CAMK1D: variants seen among roughly 807,000 people sequenced by gnomAD.
CAMK1D encodes calcium/calmodulin dependent protein kinase ID, also known as calcium/calmodulin-dependent protein kinase type 1D.
In CAMK1D, 9 loss-of-function variants were observed where a neutral mutation model predicts 47.7. That is an observed-to-expected ratio of 0.19 (90% CI 0.11 to 0.33). CAMK1D has a LOEUF of 0.33. CAMK1D is among the 10% of genes least tolerant of loss of function. The probability of loss-of-function intolerance (pLI) is 1.00; values close to 1 mark genes in which losing one functional copy is unlikely to be tolerated. For missense variants in CAMK1D, 291 were observed against 488.7 expected, an observed-to-expected ratio of 0.60 and a Z score of 3.81; for synonymous variants, 184 against 184.9, an observed-to-expected ratio of 0.99 and a Z score of 0.04.
At chr10:12,415,115 A>G (rs949484813) in intron 1 of CAMK1D, among the ~76,000 whole-genome samples, 1 of 151,886 alleles carries the variant, frequency 6.6e-6, no homozygotes, top group African/African-American at 2.4e-5. Context: ...TTCTTAGTTC[A>G]TTAACTTTCC....
At chr10:12,634,223 C>T (rs1839454299) in intron 2 of CAMK1D, among the ~76,000 whole-genome samples, 1 of 152,242 alleles carries the variant, frequency 6.6e-6, no homozygotes. Flanking sequence ...TGTGTCCTAG[C>T]ATCGTCCTTT....
intron 6 of CAMK1D, among the ~76,000 whole-genome samples, chr10:12,807,352 G>A (rs990695423): frequency 1.2e-4 from 18 of 152,170 alleles, no homozygotes; most frequent in Admixed American, 9.8e-4. Flanking sequence ...GGCCACAAGC[G>A]TGGGTTCCTC....
chr10:12,523,359 C>G (rs928788091), intron 1 of CAMK1D, among the ~76,000 whole-genome samples: 7 of 152,176 alleles, frequency 4.6e-5, no homozygotes, highest in African/African-American at 1.7e-4. Flanking sequence ...CGGGCAGAGG[C>G]TGCAATCTCG....
intron 3 of CAMK1D, among the ~76,000 whole-genome samples, chr10:12,727,197 ATG>A (rs1415838946): frequency 2.0e-5 from 3 of 152,238 alleles, no homozygotes; most frequent in Non-Finnish European, 4.4e-5. Flanking sequence ...CGTTTTGATG[ATG>A]CTAGGCTACA....
chr10:12,738,749 G>A lies in CAMK1D; in HGVS notation c.300-22199G>A, dbSNP rs118192089. The stretch of plus-strand genomic sequence containing the variant: ...CAGGAGGCTGAGGCAGGAGGAGCGC[G>A]TAAAGCCAGGAAGCAGAGGCTGCAG... On this transcript the variant is annotated intron_variant, in intron 3 of 10. Transcript: ENST00000619168. Among the ~76,000 whole-genome samples the A allele has an allele frequency of 2.8e-3, 422 of 151,430 alleles. 4 individuals carry two copies. The East Asian group carries it at 0.034, about 12-fold the overall frequency.
rs539492296 is a variant in CAMK1D, at chr10:12,478,423, T to C, written c.93-74802T>C. 1.6e-4 allele frequency among the ~76,000 whole-genome samples: 24 copies of C among 152,226 alleles called. 1 individual carries two copies. The highest frequency in any genetic ancestry group is 5.8e-4 in the African/African-American group (24 of 41,548). ...CTCAAGCAATTCTCTCACCTCAGCC[T>C]CCTGAGTACCTGGGACTACAGACAT... On this transcript the variant is annotated intron_variant, in intron 1 of 10. Transcript: ENST00000619168.
intron 3 of CAMK1D, among the ~76,000 whole-genome samples, chr10:12,721,747 C>G (rs913771714): frequency 6.6e-6 from 1 of 152,078 alleles, no homozygotes; most frequent in African/African-American, 2.4e-5. Flanking sequence ...CCACATGGCT[C>G]GATGGGAAAT....
chr10:12,405,748 A>G (rs1839399622), intron 1 of CAMK1D, among the ~76,000 whole-genome samples: 1 of 152,238 alleles, frequency 6.6e-6, no homozygotes, highest in Admixed American at 6.5e-5. Flanking sequence ...TCAGCATGAC[A>G]TGGTCATATT....
chr10:12,573,831 C>CTTTTTTTTTTTTTTTTTTTTTTTTTTT (rs34038018), intron 2 of CAMK1D, among the ~76,000 whole-genome samples: 1 of 64,076 alleles, frequency 1.6e-5, no homozygotes, highest in African/African-American at 5.4e-5. Flanking sequence ...ATTAAAAAAA[C>CTTTTTTTTTTTTTTTTTTTTTTTTTTT]TTTTTTTTTT....
At chr10:12,655,316 A>T (rs1002872402) in intron 2 of CAMK1D, among the ~76,000 whole-genome samples, 3 of 152,148 alleles carry the variant, frequency 2.0e-5, no homozygotes, top group African/African-American at 7.2e-5. Flanking sequence ...GCACCAAGCC[A>T]TGAGGGATCC....
intron 1 of CAMK1D, among the ~76,000 whole-genome samples, chr10:12,480,179 G>T (rs1241879452): frequency 1.3e-5 from 2 of 152,136 alleles, no homozygotes; most frequent in African/African-American, 4.8e-5. Flanking sequence ...GCCGGGCTCG[G>T]TGGCTCACAC....
intron 6 of CAMK1D, among the ~76,000 whole-genome samples, chr10:12,804,937 C>CAAAAAAAAAAAAAAAAAAAA (rs145584740): frequency 2.0e-5 from 1 of 51,054 alleles, no homozygotes; most frequent in Non-Finnish European, 3.2e-5. Context: ...GACCCTGTCT[C>CAAAAAAAAAAAAAAAAAAAA]AAAAAAAAAA....
chr10:12,471,993 C>T (rs1235293720), intron 1 of CAMK1D, among the ~76,000 whole-genome samples: 1 of 149,172 alleles, frequency 6.7e-6, no homozygotes, highest in Non-Finnish European at 1.5e-5. Flanking sequence ...TATGATTGCA[C>T]CATTGCACTC....
chr10:12,587,469 T>C (rs959731026), intron 2 of CAMK1D, among the ~76,000 whole-genome samples: 1 of 151,866 alleles, frequency 6.6e-6, no homozygotes, highest in Non-Finnish European at 1.5e-5. Flanking sequence ...TTCTGGAGGC[T>C]TGGCGGCATG....
intron 1 of CAMK1D, among the ~76,000 whole-genome samples, chr10:12,430,179 G>A (rs1840394380): frequency 6.6e-6 from 1 of 152,118 alleles, no homozygotes; most frequent in South Asian, 2.1e-4. Context: ...TTCCAATCCT[G>A]CTCGTTTGGG....
intron 3 of CAMK1D, among the ~76,000 whole-genome samples, chr10:12,722,578 G>C (rs2130788681): frequency 6.7e-6 from 1 of 149,880 alleles, no homozygotes; most frequent in East Asian, 2.1e-4. Context: ...TGGAGAAAAT[G>C]ATACTTCATA....
At chr10:12,808,180 C>T (rs888504631) in intron 6 of CAMK1D, among the ~76,000 whole-genome samples, 2 of 152,252 alleles carry the variant, frequency 1.3e-5, no homozygotes, top group African/African-American at 4.8e-5. Context: ...CATCCACTTC[C>T]TCCACTCCCA....
intron 2 of CAMK1D, among the ~76,000 whole-genome samples, chr10:12,596,891 G>A (rs1232189379): frequency 6.6e-6 from 1 of 151,464 alleles, no homozygotes; most frequent in Non-Finnish European, 1.5e-5. Context: ...TTTTTTAGGT[G>A]TCTTTATTAA....
At chr10:12,568,709 C>A (rs143541567) in intron 2 of CAMK1D, among the ~76,000 whole-genome samples, 4 of 151,642 alleles carry the variant, frequency 2.6e-5, no homozygotes, top group African/African-American at 9.7e-5. Context: ...TGCTTTTGAA[C>A]GACAAGCAGT....
Sources: gnomAD v4.1 joint callset for allele counts (sites outside exome capture counted in the v4.1 genomes callset) on GRCh38, gnomAD v4.1.1 for gene constraint, MANE v1.5 for transcripts, NCBI Gene and HGNC (gene_info 2026-07-23, HGNC 2026-07-21) for gene names.